GRM1: variants seen among roughly 807,000 people sequenced by gnomAD.
GRM1 encodes glutamate metabotropic receptor 1.
GRM1 carries 33 observed loss-of-function variants against 90.9 expected under a neutral mutation model. That is an observed-to-expected ratio of 0.36 (90% CI 0.28 to 0.49). The LOEUF (loss-of-function observed/expected upper bound fraction) is 0.49. Ranked by LOEUF, GRM1 falls within the 20% of genes least tolerant of loss-of-function variation. GRM1 has a pLI of 0.99. For missense variants in GRM1, 1,190 were observed against 1,534.3 expected, an observed-to-expected ratio of 0.78 and a Z score of 3.75; for synonymous variants, 700 against 613.2, an observed-to-expected ratio of 1.14 and a Z score of -2.09.
At chr6:146,058,990 C>T (rs192561691) in intron 1 of GRM1, among the ~76,000 whole-genome samples, 1 of 152,264 alleles carries the variant, frequency 6.6e-6, no homozygotes, top group East Asian at 1.9e-4. Context: ...TCTTAAACCT[C>T]TCAAAGACCT....
chr6:146,171,383 C>G (rs533916661), intron 2 of GRM1: 1 of 155,308 alleles, frequency 6.4e-6, no homozygotes, highest in African/African-American at 2.4e-5. Flanking sequence ...GGGAGATGAG[C>G]TCACTGAAAT....
chr6:146,100,785 A>G (rs545243991), intron 1 of GRM1, among the ~76,000 whole-genome samples: 2 of 152,210 alleles, frequency 1.3e-5, no homozygotes, highest in Non-Finnish European at 2.9e-5. Context: ...TCTGCTGGTA[A>G]TATGAAATTC....
intron 4 of GRM1, among the ~76,000 whole-genome samples, chr6:146,355,285 T>C (rs1304641368): frequency 1.3e-5 from 2 of 150,874 alleles, no homozygotes; most frequent in African/African-American, 4.9e-5. Flanking sequence ...ATCAACAGGA[T>C]GAGTGTGAGC....
chr6:146,062,097 T>C (rs1205462336), intron 1 of GRM1, among the ~76,000 whole-genome samples: 1 of 152,148 alleles, frequency 6.6e-6, no homozygotes, highest in African/African-American at 2.4e-5. Flanking sequence ...CCAACCCAAA[T>C]GTCCATCAGT....
At chr6:146,308,676 A>T (rs1783666805) in intron 3 of GRM1, among the ~76,000 whole-genome samples, 1 of 152,148 alleles carries the variant, frequency 6.6e-6, no homozygotes, top group Non-Finnish European at 1.5e-5. Flanking sequence ...ATGCTATTGC[A>T]TGCACTTGGA....
chr6:146,286,408 G>T (rs2114869972), intron 2 of GRM1, among the ~76,000 whole-genome samples: 1 of 152,136 alleles, frequency 6.6e-6, no homozygotes, highest in South Asian at 2.1e-4. Flanking sequence ...CTATCTACTT[G>T]CTTATTTTAT....
chr6:146,354,461 C>T (rs1785514941), intron 4 of GRM1, among the ~76,000 whole-genome samples: 1 of 144,804 alleles, frequency 6.9e-6, no homozygotes, highest in African/African-American at 2.4e-5. Context: ...GTTTACTCCT[C>T]TTCTCTCTCT....
rs1414930180 is a variant in GRM1, at chr6:146,426,540, T to C, written c.2661-7332T>C. 3.1e-6 allele frequency: 5 copies of C among 1,607,756 alleles called. No individual in the cohort carries two copies. The East Asian group carries it at 1.1e-4, about 36-fold the overall frequency. On this transcript the variant is annotated intron_variant, in intron 7 of 7. Transcript: ENST00000282753. The stretch of plus-strand genomic sequence containing the variant: ...TAACCCCCTCGCTCACTGGGTGTCT[T>C]TTTCTTTTCAATCTTCAGGAAGAGG...
intron 7 of GRM1, among the ~76,000 whole-genome samples, chr6:146,411,866 A>C (rs918894079): frequency 6.6e-6 from 1 of 152,196 alleles, no homozygotes; most frequent in African/African-American, 2.4e-5. Context: ...ATGTATAAAC[A>C]TACTAAAACA....
rs543351080 is a variant in GRM1, at chr6:146,206,771, C to A, written c.950+47174C>A. ...CAATCTTTTGGGTACTTTTGGGTAC[C>A]CAGTTATCTTTTCTGCTCCTCTCTC... On this transcript the variant is annotated intron_variant, in intron 2 of 7. Transcript: ENST00000282753. Among the ~76,000 whole-genome samples the A allele has an allele frequency of 2.6e-5, 4 of 151,990 alleles. No homozygotes were observed. In the South Asian group the frequency reaches 8.3e-4, roughly 32 times the overall value.
chr6:146,367,034 C>T (rs768993582), intron 5 of GRM1, among the ~76,000 whole-genome samples: 1 of 152,128 alleles, frequency 6.6e-6, no homozygotes, highest in African/African-American at 2.4e-5. Flanking sequence ...ATAGTTTCAG[C>T]TCTGACATTT....
intron 2 of GRM1, among the ~76,000 whole-genome samples, chr6:146,287,007 G>T (rs1782790619): frequency 6.6e-6 from 1 of 152,162 alleles, no homozygotes; most frequent in South Asian, 2.1e-4. Flanking sequence ...CTTTATTTTT[G>T]ATTAGTGTGG....
chr6:146,383,757 G>A (rs887891166), intron 5 of GRM1, among the ~76,000 whole-genome samples: 1 of 151,918 alleles, frequency 6.6e-6, no homozygotes, highest in Non-Finnish European at 1.5e-5. Context: ...TTAAAGTATG[G>A]CAATAATTAG....
intron 3 of GRM1, among the ~76,000 whole-genome samples, chr6:146,309,122 G>A (rs1377467927): frequency 3.3e-5 from 5 of 151,988 alleles, no homozygotes; most frequent in African/African-American, 1.2e-4. Flanking sequence ...TTTCTGGCTG[G>A]GCATGGTGGC....
At chr6:146,095,911 A>G (rs1277347280) in intron 1 of GRM1, among the ~76,000 whole-genome samples, 26 of 152,166 alleles carry the variant, frequency 1.7e-4, no homozygotes, top group Admixed American at 1.6e-3. Context: ...GTGATGGTTA[A>G]CTTGACTCCT....
chr6:146,139,966 C>CCTTCCCTCCG (rs1223485980), intron 1 of GRM1, among the ~76,000 whole-genome samples: 111 of 107,004 alleles, frequency 1.0e-3, no homozygotes, highest in African/African-American at 3.3e-3. Flanking sequence ...CCTTCCCTTC[C>CCTTCCCTCCG]CTTCCCTCCG....
At chr6:146,394,123 T>C (rs1776841300) in intron 6 of GRM1, among the ~76,000 whole-genome samples, 2 of 152,186 alleles carry the variant, frequency 1.3e-5, no homozygotes, top group South Asian at 4.1e-4. Flanking sequence ...TCAAGATGGA[T>C]TAAAGATTTA....
rs1783788747 is a variant in GRM1, at chr6:146,312,026, A to T, written c.1186+7180A>T. Among the ~76,000 whole-genome samples, 3 of 151,886 alleles carry T rather than the reference A, an allele frequency of 2.0e-5. No individual in the cohort carries two copies. The South Asian group carries it at 6.2e-4, about 32-fold the overall frequency. On this transcript the variant is annotated intron_variant, in intron 3 of 7. Coordinates refer to ENST00000282753, the MANE Select transcript of GRM1 (RefSeq NM_001278064.2). Reference sequence around the variant, plus strand: ...AATTTTGAGAAGGATCTTTCTGCTGATGCAATTGTTACAGTAACTGTTAAG... The same window carrying T: ...AATTTTGAGAAGGATCTTTCTGCTGTTGCAATTGTTACAGTAACTGTTAAG...
At chr6:146,045,870 TACTGGCA>T (rs1370744638) in intron 1 of GRM1, among the ~76,000 whole-genome samples, 2 of 151,858 alleles carry the variant, frequency 1.3e-5, no homozygotes, top group Non-Finnish European at 2.9e-5. Flanking sequence ...TCATTACATT[TACTGGCA>T]ATTAAAGCTC....
Sources: allele counts gnomAD v4.1 joint callset (sites outside exome capture counted in the v4.1 genomes callset), GRCh38; gene constraint gnomAD v4.1.1; transcripts MANE v1.5; gene names NCBI Gene and HGNC (gene_info 2026-07-23, HGNC 2026-07-21).